MYO18B: variants seen among roughly 807,000 people sequenced by gnomAD.
MYO18B encodes the protein myosin XVIIIB, also known as unconventional myosin-XVIIIb.
In MYO18B, 204 loss-of-function variants were observed where a neutral mutation model predicts 273.0. The observed-to-expected ratio is 0.75, with a 90% CI of 0.67 to 0.84. The LOEUF (loss-of-function observed/expected upper bound fraction) is 0.84. MYO18B is among the 40% of genes least tolerant of loss of function. MYO18B has a pLI of 0.00. For missense variants in MYO18B, 3,212 were observed against 3,287.6 expected (o/e 0.98, Z 0.56); for synonymous variants, 1,330 against 1,305.7 (o/e 1.02, Z -0.40).
rs1482917646 is a variant in MYO18B, at chr22:25,798,012, G to T, written c.2436G>T (p.Met812Ile). Residue 812 changes from methionine to isoleucine, a missense_variant, in exon 12 of 44, where the codon ATG becomes ATT. Transcript: ENST00000335473. ...AFAQLQGAMEMLGISESEQRA... is the reference protein window; with the variant it reads ...AFAQLQGAMEILGISESEQRA... ...CCCAGCTCCAGGGTGCCATGGAGAT[G>T]CTCGGCATCTCAGAGAGCGAGCAGC... 6.2e-7 allele frequency: 1 copy of T among 1,613,912 alleles called. No individual in the cohort carries two copies. Among genetic ancestry groups the T allele is most frequent in the Non-Finnish European group, 8.5e-7 (1 of 1,179,816 alleles).
At chr22:25,793,176 A>G (rs2087755140) in intron 11 of MYO18B, among the ~76,000 whole-genome samples, 1 of 152,236 alleles carries the variant, frequency 6.6e-6, no homozygotes, top group Non-Finnish European at 1.5e-5. Context: ...CTTTACACAC[A>G]TAAACTCATT....
At position 25,909,839 on chromosome 22, in the gene MYO18B, G is replaced by A. The variant is rs538871744; in HGVS notation, c.5260-1107G>A. 9.8e-5 allele frequency among the ~76,000 whole-genome samples: 15 copies of A among 152,330 alleles called. No individual in the cohort carries two copies. In the South Asian group the frequency reaches 2.7e-3, roughly 27 times the overall value. On this transcript the variant is annotated intron_variant, in intron 32 of 43. Transcript: ENST00000335473. ...TGACCTGGGTGGGAATGCTGGGGCT[G>A]TCTGGGGTGGCAGAAAGAGCTGGGG... is the stretch of plus-strand genomic sequence containing the variant.
chr22:25,990,764 G>A (rs2093261560), intron 39 of MYO18B, among the ~76,000 whole-genome samples: 1 of 143,090 alleles, frequency 7.0e-6, no homozygotes, highest in Non-Finnish European at 1.5e-5. Context: ...GAGGGGCTGT[G>A]AGCCATTCAT....
intron 21 of MYO18B, among the ~76,000 whole-genome samples, chr22:25,855,241 G>A (rs1444333466): frequency 6.6e-6 from 1 of 150,822 alleles, no homozygotes; most frequent in Non-Finnish European, 1.5e-5. Flanking sequence ...AAGGATAATG[G>A]CCTCCAGCTC....
chr22:25,794,619 C>T (rs996511072), intron 11 of MYO18B, among the ~76,000 whole-genome samples: 1 of 152,116 alleles, frequency 6.6e-6, no homozygotes, highest in Non-Finnish European at 1.5e-5. Context: ...ATTCTCCTGC[C>T]TCAGCCTCCC....
rs1426109644 is a variant in MYO18B, at chr22:25,901,830, TG to T, written c.4824-782del. 5.4e-3 allele frequency among the ~76,000 whole-genome samples: 598 copies of T among 111,242 alleles called. 5 individuals are homozygous for T. The highest frequency in any genetic ancestry group is 0.02 in the African/African-American group (454 of 22,324). The allele number at this position is 111,242 out of a possible 152,430, so 73.0% of individuals were successfully genotyped here. ...GGTTTTTTTTTTTTTTTTTTTTTTT[TG>T]AGACAAGGTCTTGCTCTGTCACCCA... On this transcript the variant is annotated intron_variant, in intron 29 of 43. Coordinates refer to ENST00000335473, the MANE Select transcript of MYO18B (RefSeq NM_032608.7).
Position 26,004,578 on chromosome 22 carries a change from C to CT in MYO18B, c.6333-139dup, listed in dbSNP as rs1601812357. On this transcript the variant is annotated intron_variant, in intron 41 of 43. Coordinates refer to ENST00000335473, the MANE Select transcript of MYO18B (RefSeq NM_032608.7). ...TGTGTAACTGTGACAGCACTGGCTC[C>CT]TACCTCTCTGGGATGGCGAGTGAGG... 5 of 1,028,000 alleles carry CT rather than the reference C, an allele frequency of 4.9e-6. No homozygotes were observed. In the East Asian group the frequency reaches 1.4e-4, roughly 29 times the overall value. The allele number at this position is 1,028,000 out of a possible 1,614,324, so 63.7% of individuals were successfully genotyped here. A position where few individuals can be genotyped will look rare whatever the true frequency, so the allele number is the denominator to read the frequency against.
chr22:25,785,127 G>A (rs1387846188), intron 10 of MYO18B, among the ~76,000 whole-genome samples: 2 of 152,202 alleles, frequency 1.3e-5, no homozygotes, highest in Admixed American at 6.5e-5. Flanking sequence ...TTATCCTTGA[G>A]TGAGGTCGCT....
chr22:25,755,407 T>C (rs1280159503), intron 1 of MYO18B, among the ~76,000 whole-genome samples: 1 of 152,190 alleles, frequency 6.6e-6, no homozygotes, highest in African/African-American at 2.4e-5. Context: ...GCTTTCTCCA[T>C]GTTGGTCAGT....
At chr22:25,886,946 CAT>C (rs1443122008) in intron 25 of MYO18B, among the ~76,000 whole-genome samples, 4 of 152,340 alleles carry the variant, frequency 2.6e-5, no homozygotes, top group Middle Eastern at 3.4e-3. Context: ...AGGCAAATGA[CAT>C]ATGCCAAATG....
At chr22:25,853,547 G>A (rs1289391635) in intron 21 of MYO18B, among the ~76,000 whole-genome samples, 2 of 152,142 alleles carry the variant, frequency 1.3e-5, no homozygotes, top group East Asian at 3.9e-4. Context: ...CGTTCATGGG[G>A]TTCCTTATTC....
the MYO18B span, among the ~76,000 whole-genome samples, chr22:26,054,195 C>G: frequency 1.3e-5 from 2 of 152,190 alleles, no homozygotes; most frequent in African/African-American, 2.4e-5. Context: ...TGAATAAATC[C>G]TGCAGCCCCA....
At chr22:25,796,997 G>T (rs2087944003) in intron 11 of MYO18B, among the ~76,000 whole-genome samples, 1 of 152,212 alleles carries the variant, frequency 6.6e-6, no homozygotes, top group Non-Finnish European at 1.5e-5. Flanking sequence ...GGAGGCTGAG[G>T]TGGGCAGATC....
intron 41 of MYO18B, among the ~76,000 whole-genome samples, chr22:26,003,642 C>T (rs570105208): frequency 3.3e-5 from 5 of 152,112 alleles, no homozygotes; most frequent in Non-Finnish European, 5.9e-5. Context: ...TTTCTGGTTT[C>T]CATATTGTTT....
intron 12 of MYO18B, among the ~76,000 whole-genome samples, chr22:25,812,089 ACTCT>A (rs71702662): frequency 1.3e-5 from 2 of 151,942 alleles, no homozygotes; most frequent in South Asian, 4.2e-4. Flanking sequence ...ACAAAGCTGG[ACTCT>A]CTGTCTGCCA....
chr22:26,041,997 C>A, the MYO18B span, among the ~76,000 whole-genome samples: 10 of 152,304 alleles, frequency 6.6e-5, no homozygotes, highest in South Asian at 1.0e-3. Context: ...TTCTGAGTGT[C>A]CCCAGGATGC....
chr22:25,896,908 C>T (rs5996995), intron 28 of MYO18B: 4 of 152,068 alleles, frequency 2.6e-5, no homozygotes, highest in Non-Finnish European at 4.4e-5. Flanking sequence ...TCTTTCAAGT[C>T]GGTACCAGCT....
intron 1 of MYO18B, among the ~76,000 whole-genome samples, chr22:25,754,630 C>A (rs1221805635): frequency 6.6e-6 from 1 of 152,184 alleles, no homozygotes; most frequent in Non-Finnish European, 1.5e-5. Flanking sequence ...CTATGGCCAC[C>A]TCATGGGCTT....
Position 25,958,134 on chromosome 22 carries a change from C to T in MYO18B, c.6156+2770C>T, listed in dbSNP as rs565680334. 3.3e-5 allele frequency among the ~76,000 whole-genome samples: 5 copies of T among 152,160 alleles called. No homozygotes were observed. The East Asian group carries it at 5.8e-4, about 18-fold the overall frequency. On this transcript the variant is annotated intron_variant, in intron 39 of 43. Coordinates refer to ENST00000335473, the MANE Select transcript of MYO18B (RefSeq NM_032608.7). ...TTCACCATGTTGGCCAAGCTAGTCT[C>T]GAACCCCTGACCTCAGGTGATCCAC...
Sources: gnomAD v4.1 joint callset for allele counts (sites outside exome capture counted in the v4.1 genomes callset) on GRCh38, gnomAD v4.1.1 for gene constraint, MANE v1.5 for transcripts, NCBI Gene and HGNC (gene_info 2026-07-23, HGNC 2026-07-21) for gene names.